Variants in MTHFD2L observed in about 807,000 individuals in gnomAD.
MTHFD2L encodes the protein methylenetetrahydrofolate dehydrogenase (NADP+ dependent) 2 like.
In MTHFD2L, 29 loss-of-function variants were observed where a neutral mutation model predicts 34.9. The observed-to-expected ratio is 0.83, with a 90% CI of 0.62 to 1.13. MTHFD2L has a LOEUF of 1.13. Among genes scored for constraint, MTHFD2L ranks in the 50% most tolerant of loss-of-function variants. The pLI is 0.00. For missense variants in MTHFD2L, 481 were observed against 446.5 expected (o/e 1.08, Z -0.70); for synonymous variants, 167 against 155.7 (o/e 1.07, Z -0.54).
intron 1 of MTHFD2L, among the ~76,000 whole-genome samples, chr4:74,134,509 C>T (rs1270827338): frequency 6.6e-6 from 1 of 152,062 alleles, no homozygotes; most frequent in Non-Finnish European, 1.5e-5. Context: ...TCAATAAAAA[C>T]CAAACCAAAC....
intron 7 of MTHFD2L, among the ~76,000 whole-genome samples, chr4:74,285,799 CTG>C (rs1748098186): frequency 6.6e-6 from 1 of 152,114 alleles, no homozygotes; most frequent in African/African-American, 2.4e-5. Context: ...GTATTTTTCT[CTG>C]TGTCTAATTA....
rs1171811211 is a variant in MTHFD2L at position 74,275,291 on chromosome 4, G to A, written c.806-6134G>A. On this transcript the variant is annotated intron_variant, in intron 6 of 7. Transcript: ENST00000325278. ...GGACATGATCTCGTTCCCTTTTGTGGCTGCATAGTATTCCACAGTGTATAT... is the reference window on the plus strand; with the variant it reads ...GGACATGATCTCGTTCCCTTTTGTGACTGCATAGTATTCCACAGTGTATAT... Among the ~76,000 whole-genome samples, 3 of 152,070 alleles carry A rather than the reference G, an allele frequency of 2.0e-5. No individual in the cohort carries two copies. The East Asian group carries it at 5.8e-4, about 29-fold the overall frequency.
intron 5 of MTHFD2L, among the ~76,000 whole-genome samples, chr4:74,220,900 G>A (rs1027627307): frequency 1.3e-5 from 2 of 150,544 alleles, no homozygotes; most frequent in African/African-American, 4.8e-5. Flanking sequence ...AATTTCTACA[G>A]TTAAATGATT....
At chr4:74,191,224 T>C (rs760006964) in intron 3 of MTHFD2L, among the ~76,000 whole-genome samples, 5 of 152,184 alleles carry the variant, frequency 3.3e-5, no homozygotes, top group Admixed American at 6.5e-5. Flanking sequence ...TCCTCACTTA[T>C]ATATTCTAAA....
intron 6 of MTHFD2L, among the ~76,000 whole-genome samples, chr4:74,243,602 G>C (rs939596927): frequency 6.6e-5 from 10 of 151,590 alleles, no homozygotes; most frequent in African/African-American, 2.4e-4. Context: ...TGATTTACAA[G>C]ATTCCATCTC....
At chr4:74,155,301 T>C (rs1724173725), upstream of MTHFD2L, among the ~76,000 whole-genome samples, 1 of 152,188 alleles carries the variant, frequency 6.6e-6, no homozygotes, top group Admixed American at 6.5e-5. Context: ...CTAAATAATG[T>C]ATTTTTTCCA....
In MTHFD2L at chr4:74,201,265, A is replaced by G; in HGVS notation, c.607A>G (p.Ile203Val). Reference protein sequence around the residue: ...AVWEIIKRTGIQTFGKNVVVA... With the variant: ...AVWEIIKRTGVQTFGKNVVVA... ...TAAACCGAACTCTGTATTTTAAGGA[A>G]TTCAAACATTTGGAAAAAATGTGGT... is the stretch of plus-strand genomic sequence containing the variant. The change falls in exon 5 of 8, where the codon ATT becomes GTT. Residue 203 changes from isoleucine (I) to valine (V), a missense_variant and splice_region_variant. Transcript: ENST00000325278. 1 of 1,613,068 alleles carries G rather than the reference A, an allele frequency of 6.2e-7. No individual in the cohort carries two copies. The highest frequency in any genetic ancestry group is 8.5e-7 in the Non-Finnish European group (1 of 1,179,292).
chr4:74,154,198 C>A (rs184837694), upstream of MTHFD2L, among the ~76,000 whole-genome samples: 1 of 152,228 alleles, frequency 6.6e-6, no homozygotes, highest in Non-Finnish European at 1.5e-5. Context: ...GTACAATTCT[C>A]GCCACATTAT....
At chr4:74,200,178 G>A (rs1368136986) in intron 4 of MTHFD2L, among the ~76,000 whole-genome samples, 1 of 152,062 alleles carries the variant, frequency 6.6e-6, no homozygotes, top group Non-Finnish European at 1.5e-5. Context: ...CAGGTGTGGT[G>A]GCGGGCACCT....
chr4:74,280,628 ATG>A (rs923455882), intron 6 of MTHFD2L, among the ~76,000 whole-genome samples: 1 of 127,238 alleles, frequency 7.9e-6, no homozygotes, highest in African/African-American at 4.0e-5. Flanking sequence ...GGATTGTTCA[ATG>A]TTTTTTTTTT....
intron 5 of MTHFD2L, among the ~76,000 whole-genome samples, chr4:74,208,178 G>A (rs1212193312): frequency 6.6e-6 from 1 of 152,152 alleles, no homozygotes; most frequent in African/African-American, 2.4e-5. Context: ...ACATTGATTA[G>A]ACTTTACTGA....
chr4:74,229,814 T>C (rs1275554711), intron 6 of MTHFD2L, among the ~76,000 whole-genome samples: 1 of 152,170 alleles, frequency 6.6e-6, no homozygotes, highest in East Asian at 1.9e-4. Flanking sequence ...TTCAAGTCCC[T>C]ACTCAAAGCC....
chr4:74,230,776 A>G (rs530747810), intron 6 of MTHFD2L, among the ~76,000 whole-genome samples: 4 of 152,156 alleles, frequency 2.6e-5, no homozygotes, highest in Admixed American at 6.6e-5. Context: ...GCCAGTATCA[A>G]TTCTAAGATC....
intron 1 of MTHFD2L, among the ~76,000 whole-genome samples, chr4:74,146,106 T>G (rs967493465): frequency 1.3e-5 from 2 of 152,208 alleles, no homozygotes; most frequent in Non-Finnish European, 2.9e-5. Context: ...GAAAGATGCT[T>G]CACACATTAG....
At chr4:74,116,447 A>T (rs548917576) in intron 2 of MTHFD2L, among the ~76,000 whole-genome samples, 1 of 152,346 alleles carries the variant, frequency 6.6e-6, no homozygotes, top group South Asian at 2.1e-4. Context: ...GTGAGAGAAA[A>T]AAAAGCAGTC....
At chr4:74,178,221 C>A (rs1729421442) in intron 3 of MTHFD2L, among the ~76,000 whole-genome samples, 1 of 151,928 alleles carries the variant, frequency 6.6e-6, no homozygotes, top group Non-Finnish European at 1.5e-5. Context: ...TTGCAAATTG[C>A]TGAGAAAGTA....
Position 74,215,891 on chromosome 4 carries a change from G to T in MTHFD2L, c.713-9411G>T, listed in dbSNP as rs1737131466. Among the ~76,000 whole-genome samples, 3 of 151,300 alleles carry T rather than the reference G, an allele frequency of 2.0e-5. 1 individual carries two copies. Among genetic ancestry groups the T allele is most frequent in the African/African-American group, 4.9e-5 (2 of 40,790 alleles). ...TATAATGGTGCTGAATGTACGTTTG[G>T]TGAATTTATTTAATTGAGTTTGAAC... On this transcript the variant is annotated intron_variant, in intron 5 of 7. Coordinates refer to ENST00000325278, the MANE Select transcript of MTHFD2L (RefSeq NM_001144978.3).
At chr4:74,133,709 C>A (rs1156811323) in intron 1 of MTHFD2L, among the ~76,000 whole-genome samples, 1 of 152,094 alleles carries the variant, frequency 6.6e-6, no homozygotes, top group African/African-American at 2.4e-5. Flanking sequence ...TGATAAGTAT[C>A]TGAATTGTTT....
intron 1 of MTHFD2L, among the ~76,000 whole-genome samples, chr4:74,125,918 C>A (rs1029735492): frequency 1.3e-5 from 2 of 152,124 alleles, no homozygotes; most frequent in Admixed American, 1.3e-4. Flanking sequence ...TAACAAAACT[C>A]GAAGTGAATA....
Sources: gnomAD v4.1 joint callset for allele counts (sites outside exome capture counted in the v4.1 genomes callset) on GRCh38, gnomAD v4.1.1 for gene constraint, MANE v1.5 for transcripts, NCBI Gene and HGNC (gene_info 2026-07-23, HGNC 2026-07-21) for gene names.